Variants in TRPS1 observed in about 807,000 individuals in gnomAD.
TRPS1 encodes the protein zinc finger transcription factor Trps1.
A neutral mutation model predicts 101.2 loss-of-function variants in TRPS1; 6 were observed. That is an observed-to-expected ratio of 0.06 (90% CI 0.03 to 0.12). The LOEUF is 0.12. TRPS1 is among the 10% of genes least tolerant of loss of function. TRPS1 has a pLI of 1.00. For synonymous variants in TRPS1, 578 were observed against 589.8 expected (o/e 0.98, Z 0.29); for missense variants, 1,363 against 1,567.0 (o/e 0.87, Z 2.20).
intron 5 of TRPS1, among the ~76,000 whole-genome samples, chr8:115,567,391 A>G (rs560106417): frequency 7.4e-4 from 113 of 152,034 alleles, no homozygotes; most frequent in African/African-American, 2.7e-3. Context: ...CTGTTATTAG[A>G]AAGGGGGGTG....
chr8:115,627,126 G>GTT (rs1169828772), intron 1 of TRPS1, among the ~76,000 whole-genome samples: 1 of 151,468 alleles, frequency 6.6e-6, no homozygotes, highest in Non-Finnish European at 1.5e-5. Context: ...CACTAACTAG[G>GTT]GAAACTAAAA....
intron 5 of TRPS1, among the ~76,000 whole-genome samples, chr8:115,571,717 T>C (rs994603506): frequency 6.6e-6 from 1 of 152,104 alleles, no homozygotes; most frequent in Non-Finnish European, 1.5e-5. Context: ...CTGGGTTAAA[T>C]CTAAGAGAAA....
intron 5 of TRPS1, among the ~76,000 whole-genome samples, chr8:115,421,253 G>C (rs1563719267): frequency 6.6e-6 from 1 of 152,084 alleles, no homozygotes; most frequent in East Asian, 1.9e-4. Context: ...CCAAAGTGCT[G>C]GGATTACAGG....
intron 5 of TRPS1, among the ~76,000 whole-genome samples, chr8:115,575,416 T>G (rs1257214908): frequency 2.0e-5 from 3 of 152,146 alleles, no homozygotes; most frequent in Non-Finnish European, 4.4e-5. Flanking sequence ...AGTGAGCATG[T>G]CTGAGTGTGC....
chr8:115,652,010 T>G (rs1175693022), intron 1 of TRPS1, among the ~76,000 whole-genome samples: 2 of 152,206 alleles, frequency 1.3e-5, no homozygotes, highest in Non-Finnish European at 2.9e-5. Flanking sequence ...AAGTTAGGTC[T>G]AGAGGTGAAG....
At chr8:115,616,639 T>G (rs1818282603) in intron 3 of TRPS1, among the ~76,000 whole-genome samples, 1 of 152,158 alleles carries the variant, frequency 6.6e-6, no homozygotes, top group African/African-American at 2.4e-5. Context: ...TCTTCATCTA[T>G]TACTTCAATT....
At chr8:115,542,442 A>G (rs545077044) in intron 5 of TRPS1, among the ~76,000 whole-genome samples, 21 of 151,582 alleles carry the variant, frequency 1.4e-4, no homozygotes, top group Admixed American at 1.1e-3. Context: ...TACTAAGATG[A>G]TTTATTTATT....
Position 115,587,330 on chromosome 8 carries a change from C to G in TRPS1, c.2371G>C (p.Glu791Gln). The change falls in exon 5 of 7, where the codon GAG (glutamate) becomes CAG (glutamine). Residue 791 changes from glutamate (E) to glutamine (Q), a missense_variant. By Grantham distance (29) the Glu-to-Gln change is conservative. Around this residue, in one of 5 missense-constraint regions of TRPS1, gnomAD observed 1,020 missense variants for 1,073.0 expected, o/e 0.95. Transcript: ENST00000395715. ...EKLEEKDGLK[E>Q]KVWTESSSDD... ...CTGGAACTCTCGGTCCAAACTTTCT[C>G]TTTGAGCCCGTCCTTCTCTTCCAGC... is the stretch of plus-strand genomic sequence containing the variant. 5 of 1,614,210 alleles carry G rather than the reference C, an allele frequency of 3.1e-6. No homozygotes were observed. The highest frequency in any genetic ancestry group is 1.6e-4 in the Middle Eastern group (1 of 6,062).
intron 5 of TRPS1, among the ~76,000 whole-genome samples, chr8:115,486,231 T>C (rs1814876382): frequency 1.3e-5 from 2 of 152,174 alleles, no homozygotes; most frequent in African/African-American, 2.4e-5. Flanking sequence ...GATGTTACTA[T>C]TGTAATTGTT....
intron 1 of TRPS1, among the ~76,000 whole-genome samples, chr8:115,638,063 G>T (rs1239588879): frequency 6.6e-6 from 1 of 152,146 alleles, no homozygotes; most frequent in East Asian, 1.9e-4. Context: ...AAAACTCAGT[G>T]ATGATCCCCA....
intron 5 of TRPS1, among the ~76,000 whole-genome samples, chr8:115,464,878 A>C (rs1328628604): frequency 6.6e-6 from 1 of 152,106 alleles, no homozygotes; most frequent in Admixed American, 6.6e-5. Context: ...AGATCATAGG[A>C]ACAAAGTCAA....
chr8:115,420,341 TTGTGCAAAGTAAGCTGGGAGCC>T (rs1193036185), intron 5 of TRPS1, among the ~76,000 whole-genome samples: 1 of 152,220 alleles, frequency 6.6e-6, no homozygotes, highest in East Asian at 1.9e-4. Context: ...GGGACTCCCT[TTGTGCAAAGTAAGCTGGGAGCC>T]TAGTTAAGTT....
chr8:115,589,762 A>G (rs780191542), intron 4 of TRPS1, among the ~76,000 whole-genome samples: 2 of 152,188 alleles, frequency 1.3e-5, no homozygotes, highest in African/African-American at 2.4e-5. Context: ...GACAATAGAC[A>G]ATACCTAAAA....
At chr8:115,656,714 T>C (rs1364283658) in intron 1 of TRPS1, among the ~76,000 whole-genome samples, 1 of 152,110 alleles carries the variant, frequency 6.6e-6, no homozygotes, top group Non-Finnish European at 1.5e-5. Flanking sequence ...ACCAAAATAT[T>C]TTATCATAAA....
chr8:115,587,589 G>A lies in TRPS1; in HGVS notation c.2112C>T (p.Cys704=), dbSNP rs1352434183. Residue 704 remains cysteine, a synonymous_variant, in exon 5 of 7, where the codon TGC becomes TGT. Transcript: ENST00000395715. ...ISRHYRRAHS[C]YKCRQCSFTA... is the part of the protein sequence containing the mutation. ...TAAAACTGCACTGACGGCATTTGTA[G>A]CAGCTGTGTGCTCTCCTGGAGAAGA... 1.2e-6 allele frequency: 2 copies of A among 1,614,136 alleles called. No homozygotes were observed. Among genetic ancestry groups the A allele is most frequent in the Admixed American group, 1.7e-5 (1 of 60,030 alleles).
chr8:115,664,742 A>C (rs1360950535), intron 1 of TRPS1, among the ~76,000 whole-genome samples: 2 of 152,114 alleles, frequency 1.3e-5, no homozygotes, highest in Non-Finnish European at 2.9e-5. Context: ...GTAACTTGTG[A>C]GCTGCAATAT....
At chr8:115,581,428 A>G (rs1263304502) in intron 5 of TRPS1, among the ~76,000 whole-genome samples, 3 of 152,134 alleles carry the variant, frequency 2.0e-5, no homozygotes, top group African/African-American at 7.2e-5. Context: ...AGAAATTACA[A>G]ATGTTGAGGT....
intron 5 of TRPS1, among the ~76,000 whole-genome samples, chr8:115,492,436 T>C (rs534683084): frequency 6.4e-4 from 97 of 150,462 alleles, no homozygotes; most frequent in African/African-American, 2.3e-3. Flanking sequence ...TTGTCAATTG[T>C]TATTTATTGG....
chr8:115,649,453 C>G (rs942647468), intron 1 of TRPS1, among the ~76,000 whole-genome samples: 1 of 152,154 alleles, frequency 6.6e-6, no homozygotes, highest in Non-Finnish European at 1.5e-5. Flanking sequence ...ATTATACTTT[C>G]CTGAGACCCA....
Sources: gnomAD v4.1 joint callset for allele counts (sites outside exome capture counted in the v4.1 genomes callset) on GRCh38, gnomAD v4.1.1 for gene constraint, gnomAD v4.1.1 regional missense constraint, MANE v1.5 for transcripts, NCBI Gene and HGNC (gene_info 2026-07-23, HGNC 2026-07-21) for gene names.